Variants in FBXW7 observed in about 807,000 individuals in gnomAD.
The protein encoded by FBXW7 is F-box/WD repeat-containing protein 7.
Under a neutral mutation model 86.3 loss-of-function variants are expected in FBXW7, and 11 were observed. The ratio of observed to expected loss-of-function variants is 0.13; its 90% CI spans 0.08 to 0.21. FBXW7 has a LOEUF of 0.21. Among genes scored for constraint, FBXW7 ranks in the 10% least tolerant of loss-of-function variants. FBXW7 has a pLI of 1.00. For missense variants in FBXW7, 488 were observed against 847.4 expected (o/e 0.58, Z 5.27); for synonymous variants, 313 against 297.9 (o/e 1.05, Z -0.52).
chr4:152,337,300 A>C (rs1730234232), intron 7 of FBXW7, among the ~76,000 whole-genome samples: 1 of 151,956 alleles, frequency 6.6e-6, no homozygotes, highest in African/African-American at 2.4e-5. Context: ...TGAAATTATA[A>C]TATTTGTATT....
chr4:152,366,614 TAA>T (rs1733504608), intron 4 of FBXW7, among the ~76,000 whole-genome samples: 1 of 152,122 alleles, frequency 6.6e-6, no homozygotes, highest in African/African-American at 2.4e-5. Context: ...TGGCGATCAT[TAA>T]AAAGTCAGGA....
At chr4:152,526,639 T>G (rs1749539730) in intron 2 of FBXW7, among the ~76,000 whole-genome samples, 1 of 152,216 alleles carries the variant, frequency 6.6e-6, no homozygotes, top group Non-Finnish European at 1.5e-5. Flanking sequence ...TAATGATTTT[T>G]TAAAGCTTTT....
intron 4 of FBXW7, among the ~76,000 whole-genome samples, chr4:152,388,704 T>C (rs1319486218): frequency 6.6e-6 from 1 of 152,168 alleles, no homozygotes; most frequent in Non-Finnish European, 1.5e-5. Context: ...GCAGTACAAT[T>C]ACCTGGAGTT....
intron 2 of FBXW7, among the ~76,000 whole-genome samples, chr4:152,533,658 G>A (rs989724683): frequency 3.3e-5 from 5 of 152,152 alleles, no homozygotes; most frequent in Non-Finnish European, 7.3e-5. Context: ...GATGAACTGA[G>A]GCTTGTCCTG....
chr4:152,383,731 A>C (rs1735293862), intron 4 of FBXW7, among the ~76,000 whole-genome samples: 1 of 152,150 alleles, frequency 6.6e-6, no homozygotes, highest in African/African-American at 2.4e-5. Flanking sequence ...TGGAAAGATT[A>C]GCATTGCTAA....
At chr4:152,362,625 C>T (rs1035603986) in intron 4 of FBXW7, among the ~76,000 whole-genome samples, 21 of 151,608 alleles carry the variant, frequency 1.4e-4, no homozygotes, top group Admixed American at 1.4e-3. Context: ...GTTCACCAGG[C>T]CATCACCTGG....
intron 2 of FBXW7, among the ~76,000 whole-genome samples, chr4:152,454,516 T>G (rs1327336065): frequency 6.6e-6 from 1 of 152,090 alleles, no homozygotes; most frequent in Non-Finnish European, 1.5e-5. Context: ...TTCAGAGAAG[T>G]ACTTTAAGTC....
At chr4:152,519,894 T>C (rs1748847147) in intron 2 of FBXW7, among the ~76,000 whole-genome samples, 1 of 152,212 alleles carries the variant, frequency 6.6e-6, no homozygotes, top group South Asian at 2.1e-4. Context: ...TCCGATGTGT[T>C]CTTGGAAATT....
chr4:152,502,815 T>G (rs1747080136), intron 2 of FBXW7, among the ~76,000 whole-genome samples: 1 of 152,174 alleles, frequency 6.6e-6, no homozygotes, highest in Non-Finnish European at 1.5e-5. Flanking sequence ...TTTTAAAGTT[T>G]TACAAGTAAA....
intron 4 of FBXW7, among the ~76,000 whole-genome samples, chr4:152,354,416 A>G (rs1222372896): frequency 6.6e-6 from 1 of 152,108 alleles, no homozygotes; most frequent in Non-Finnish European, 1.5e-5. Context: ...AAGATTTAGG[A>G]AAGGGGGAAA....
intron 4 of FBXW7, among the ~76,000 whole-genome samples, chr4:152,389,754 A>ACCAAAATTTAAAG (rs1195933335): frequency 6.6e-6 from 1 of 152,074 alleles, no homozygotes; most frequent in African/African-American, 2.4e-5. Context: ...CCTTAAATTT[A>ACCAAAATTTAAAG]TACCAAAAAA....
chr4:152,438,723 G>T (rs1329214705), intron 2 of FBXW7, among the ~76,000 whole-genome samples: 1 of 152,068 alleles, frequency 6.6e-6, no homozygotes, highest in Non-Finnish European at 1.5e-5. Context: ...TACAAGTAAA[G>T]TAAGGGACAA....
At chr4:152,364,183 A>ACATTATATTGAGGCCAGG in intron 4 of FBXW7, among the ~76,000 whole-genome samples, 2 of 152,294 alleles carry the variant, frequency 1.3e-5, no homozygotes, top group East Asian at 3.9e-4. Flanking sequence ...ATAATCTGTG[A>ACATTATATTGAGGCCAGG]CATTATATTG....
intron 2 of FBXW7, among the ~76,000 whole-genome samples, chr4:152,442,894 G>A (rs1245649997): frequency 6.6e-6 from 1 of 152,208 alleles, no homozygotes; most frequent in African/African-American, 2.4e-5. Context: ...AATAGTTTCA[G>A]TGCCTCCTCA....
intron 2 of FBXW7, among the ~76,000 whole-genome samples, chr4:152,415,425 T>A (rs968165725): frequency 1.1e-4 from 17 of 152,232 alleles, no homozygotes; most frequent in African/African-American, 4.1e-4. Context: ...GTACTGATCA[T>A]CAGGAAGAAT....
intron 7 of FBXW7, 171 bp downstream of exon 7, chr4:152,337,630 AC>A: frequency 1.8e-6 from 1 of 565,152 alleles, no homozygotes; most frequent in East Asian, 3.0e-5. Flanking sequence ...TCTGACAATT[AC>A]ATTATTAAGT....
intron 2 of FBXW7, among the ~76,000 whole-genome samples, chr4:152,456,333 C>T (rs1027432206): frequency 1.5e-5 from 2 of 135,600 alleles, no homozygotes; most frequent in Non-Finnish European, 3.1e-5. Flanking sequence ...GGGCAACAGT[C>T]AGGCCCTATC....
intron 2 of FBXW7, among the ~76,000 whole-genome samples, chr4:152,521,504 T>A (rs1472271711): frequency 6.6e-6 from 1 of 152,306 alleles, no homozygotes; most frequent in East Asian, 1.9e-4. Context: ...GTGAAACAAG[T>A]CACCTGAACC....
At chr4:152,391,658 A>C (rs974654742) in intron 4 of FBXW7, among the ~76,000 whole-genome samples, 1 of 152,136 alleles carries the variant, frequency 6.6e-6, no homozygotes, top group Non-Finnish European at 1.5e-5. Flanking sequence ...CACTGACAAG[A>C]GTTTCTACTA....
Sources: allele counts gnomAD v4.1 joint callset (sites outside exome capture counted in the v4.1 genomes callset), GRCh38; gene constraint gnomAD v4.1.1; transcripts MANE v1.5; gene names NCBI Gene and HGNC (gene_info 2026-07-23, HGNC 2026-07-21).